The following BIN3 variants were observed in gnomAD, a reference collection of about 807,000 sequenced individuals.
BIN3 encodes the protein bridging integrator 3.
In BIN3, 41 loss-of-function variants were observed where a neutral mutation model predicts 38.2. The ratio of observed to expected loss-of-function variants is 1.07; its 90% CI spans 0.84 to 1.39. The LOEUF is 1.39. BIN3 is among the 40% of genes most tolerant of loss of function. The pLI is 0.00. For missense variants in BIN3, 361 were observed against 324.3 expected (o/e 1.11, Z -0.87); for synonymous variants, 145 against 122.6 (o/e 1.18, Z -1.21).
At chr8:22,624,445 C>T (rs1273733238) in intron 6 of BIN3, 82 bp from the exon 7 acceptor site, 2 of 1,541,730 alleles carry the variant, frequency 1.3e-6, no homozygotes, top group Non-Finnish European at 1.8e-6. Context: ...GGAGGGGTGG[C>T]CTGGCTGGAG....
intron 6 of BIN3, among the ~76,000 whole-genome samples, chr8:22,628,063 A>C (rs1802061253): frequency 6.6e-6 from 1 of 152,198 alleles, no homozygotes; most frequent in Admixed American, 6.5e-5. Flanking sequence ...GAAGAGGAGA[A>C]GGAGAGGGAA....
At chr8:22,661,061 TC>T (rs1803220552) in intron 1 of BIN3, among the ~76,000 whole-genome samples, 2 of 152,108 alleles carry the variant, frequency 1.3e-5, no homozygotes, top group African/African-American at 4.8e-5. Context: ...TTTTTAATTT[TC>T]TTTTTGTAGA....
intron 1 of BIN3, 70 bp downstream of exon 1, chr8:22,668,974 C>T (rs1456694365): frequency 1.3e-6 from 2 of 1,546,756 alleles, no homozygotes; most frequent in African/African-American, 1.4e-5. Flanking sequence ...CGGGACGCGG[C>T]ACTGACACAG....
chr8:22,667,313 A>T (rs1803452694), intron 1 of BIN3, among the ~76,000 whole-genome samples: 1 of 152,192 alleles, frequency 6.6e-6, no homozygotes, highest in Non-Finnish European at 1.5e-5. Context: ...TTCAGAAGGG[A>T]AACTTTCTGT....
At chr8:22,659,226 G>A (rs543494085) in intron 1 of BIN3, among the ~76,000 whole-genome samples, 1 of 152,358 alleles carries the variant, frequency 6.6e-6, no homozygotes, top group Admixed American at 6.5e-5. Flanking sequence ...AGAGGGACAT[G>A]AACTGAGCTG....
At chr8:22,636,496 G>T in intron 4 of BIN3, 29 bp downstream of exon 4, 2 of 1,550,660 alleles carry the variant, frequency 1.3e-6, no homozygotes, top group African/African-American at 2.7e-5. Context: ...ACCTGCTCAA[G>T]CGAGTGGTGC....
intron 1 of BIN3, among the ~76,000 whole-genome samples, chr8:22,648,470 A>G (rs565963436): frequency 6.6e-6 from 1 of 152,230 alleles, no homozygotes; most frequent in East Asian, 1.9e-4. Flanking sequence ...ATTTTACAGA[A>G]TGCCAACTTG....
chr8:22,655,186 G>A (rs556617427), intron 1 of BIN3, among the ~76,000 whole-genome samples: 1 of 152,206 alleles, frequency 6.6e-6, no homozygotes, highest in African/African-American at 2.4e-5. Flanking sequence ...TATATTCTGG[G>A]TATTAGCCCA....
chr8:22,659,301 T>C (rs1803156034), intron 1 of BIN3, among the ~76,000 whole-genome samples: 1 of 152,160 alleles, frequency 6.6e-6, no homozygotes, highest in Non-Finnish European at 1.5e-5. Context: ...TTTCTCTAAA[T>C]TAGCTTGATC....
At chr8:22,647,394 A>G (rs1172851096) in intron 1 of BIN3, among the ~76,000 whole-genome samples, 1 of 152,214 alleles carries the variant, frequency 6.6e-6, no homozygotes, top group East Asian at 1.9e-4. Flanking sequence ...TAGATGAGGA[A>G]GCAGATCCAG....
intron 1 of BIN3, among the ~76,000 whole-genome samples, chr8:22,652,765 A>G (rs1019446294): frequency 1.3e-5 from 2 of 152,244 alleles, no homozygotes; most frequent in Non-Finnish European, 2.9e-5. Flanking sequence ...CTAATAAATG[A>G]CACAAACATC....
Position 22,621,355 on chromosome 8 carries a change from G to T in BIN3, c.*67C>A, listed in dbSNP as rs1801805527. 5 of 1,544,034 alleles carry T rather than the reference G, an allele frequency of 3.2e-6. No homozygotes were observed. Among genetic ancestry groups the T allele is most frequent in the South Asian group, 1.2e-5 (1 of 82,644 alleles). ...CCCCAGCCTGTGAGAGGAGCAGCTA[G>T]CCCTGAGAAGGGCAAGGATGAATGA... On this transcript the variant is annotated 3_prime_UTR_variant, in exon 9 of 9. Coordinates refer to ENST00000276416, the MANE Select transcript of BIN3 (RefSeq NM_018688.6).
chr8:22,641,084 AG>A (rs1258966664), intron 2 of BIN3, among the ~76,000 whole-genome samples: 1 of 152,224 alleles, frequency 6.6e-6, no homozygotes, highest in African/African-American at 2.4e-5. Context: ...AAGGGACTAA[AG>A]GGACACACTG....
At chr8:22,625,474 G>C (rs1801975001) in intron 6 of BIN3, 3 of 699,332 alleles carry the variant, frequency 4.3e-6, no homozygotes, top group Non-Finnish European at 7.8e-6. Flanking sequence ...CAGTTACTGA[G>C]ACTGGGATCA....
chr8:22,650,869 G>A lies in BIN3; in HGVS notation c.9-6066C>T, dbSNP rs1051169663. Among the ~76,000 whole-genome samples, 11 of 152,268 alleles carry A rather than the reference G, an allele frequency of 7.2e-5. No individual in the cohort carries two copies. In the East Asian group the frequency reaches 2.1e-3, roughly 29 times the overall value. On this transcript the variant is annotated intron_variant, in intron 1 of 8. Coordinates refer to ENST00000276416, the MANE Select transcript of BIN3 (RefSeq NM_018688.6). The stretch of plus-strand genomic sequence containing the variant: ...GCTATTTCATGAAGCCACACTTGCA[G>A]CTCTTCTTCTCAATATAGTTACAGT...
intron 5 of BIN3, 68 bp downstream of exon 5, chr8:22,630,372 GCA>G: frequency 4.4e-6 from 7 of 1,589,662 alleles, no homozygotes; most frequent in Non-Finnish European, 6.0e-6. Context: ...GGGCCTCCCC[GCA>G]CAGTCCACCC....
At chr8:22,659,489 G>A (rs1348837999) in intron 1 of BIN3, among the ~76,000 whole-genome samples, 1 of 152,212 alleles carries the variant, frequency 6.6e-6, no homozygotes, top group East Asian at 1.9e-4. Context: ...CCTCTGAAAA[G>A]TAAAGACAGA....
At position 22,621,388 on chromosome 8, in the gene BIN3, C is replaced by T. The variant is rs1338871413; in HGVS notation, c.*34G>A. ...AAGGGCAAGGATGAATGAGGCTGAC[C>T]ACGTCACAGGAGTCCTCCAAGAGTG... On this transcript the variant is annotated 3_prime_UTR_variant, in exon 9 of 9. Transcript: ENST00000276416. 1.3e-6 allele frequency: 2 copies of T among 1,597,812 alleles called. No individual in the cohort carries two copies. Among genetic ancestry groups the T allele is most frequent in the Admixed American group, 1.7e-5 (1 of 57,388 alleles).
chr8:22,629,942 C>T (rs1802132057), intron 6 of BIN3, 22 bp downstream of exon 6: 3 of 1,596,200 alleles, frequency 1.9e-6, no homozygotes, highest in Non-Finnish European at 2.6e-6. Flanking sequence ...TGCCCCGAGG[C>T]CCCCAGGTGA....
Sources: gnomAD v4.1 joint callset for allele counts (sites outside exome capture counted in the v4.1 genomes callset) on GRCh38, gnomAD v4.1.1 for gene constraint, MANE v1.5 for transcripts, NCBI Gene and HGNC (gene_info 2026-07-23, HGNC 2026-07-21) for gene names.